PCMT1: variants seen among roughly 807,000 people sequenced by gnomAD.
The protein encoded by PCMT1 is protein-L-isoaspartate (D-aspartate) O-methyltransferase, also known as protein-L-isoaspartate(D-aspartate) O-methyltransferase.
Under a neutral mutation model 29.2 loss-of-function variants are expected in PCMT1, and 9 were observed. The ratio of observed to expected loss-of-function variants is 0.31; its 90% CI spans 0.19 to 0.54. PCMT1 has a LOEUF of 0.54. Among genes scored for constraint, PCMT1 ranks in the 20% least tolerant of loss-of-function variants. PCMT1 has a pLI of 0.95. For synonymous variants in PCMT1, 98 were observed against 97.5 expected, an observed-to-expected ratio of 1.00 and a Z score of -0.03; for missense variants, 184 against 282.2, an observed-to-expected ratio of 0.65 and a Z score of 2.49.
Position 149,801,802 on chromosome 6 carries a change from A to G in PCMT1, c.505-398A>G, listed in dbSNP as rs554038022. 1.2e-3 allele frequency among the ~76,000 whole-genome samples: 189 copies of G among 152,252 alleles called. 1 individual carries two copies. The highest frequency in any genetic ancestry group is 3.5e-3 in the South Asian group (17 of 4,830). Reference sequence around the variant, plus strand: ...TTCTGCTTTCTGCCTATGGACACTAAAAGTTGTTTATAATGATGTCAAATG... The same window carrying G: ...TTCTGCTTTCTGCCTATGGACACTAGAAGTTGTTTATAATGATGTCAAATG... On this transcript the variant is annotated intron_variant, in intron 6 of 7. Coordinates refer to ENST00000464889, the MANE Select transcript of PCMT1 (RefSeq NM_001360452.2).
chr6:149,768,444 A>ATTTT (rs548328646), intron 1 of PCMT1, among the ~76,000 whole-genome samples: 10 of 75,846 alleles, frequency 1.3e-4, no homozygotes, highest in East Asian at 5.2e-4. Context: ...TTAGTCTTGA[A>ATTTT]TTTTTTTTTT....
At chr6:149,804,313 T>G (rs1307137274) in intron 7 of PCMT1, among the ~76,000 whole-genome samples, 5 of 151,914 alleles carry the variant, frequency 3.3e-5, no homozygotes, top group African/African-American at 1.2e-4. Context: ...AACTTAGAAA[T>G]TTTTCTTTTT....
In PCMT1 at chr6:149,769,308, C is replaced by CTTTTTTTTTTTTTTTTTTTTTTT. The variant is rs372773939; in HGVS notation, c.56-1852_56-1830dup. The stretch of plus-strand genomic sequence containing the variant: ...AGTTAGCACCTATTTGTGCAGGATT[C>CTTTTTTTTTTTTTTTTTTTTTTT]TTTTTTTTTTTTTTTTTTTTTTTTG... On this transcript the variant is annotated intron_variant, in intron 1 of 7. Coordinates refer to ENST00000464889, the MANE Select transcript of PCMT1 (RefSeq NM_001360452.2). Among the ~76,000 whole-genome samples, 6 of 71,544 alleles carry CTTTTTTTTTTTTTTTTTTTTTTT rather than the reference C, an allele frequency of 8.4e-5. 3 individuals carry two copies. The highest frequency in any genetic ancestry group is 3.8e-4 in the Admixed American group (2 of 5,238). 46.9% of individuals were successfully genotyped at this position (71,544 alleles called of 152,430 possible).
intron 3 of PCMT1, among the ~76,000 whole-genome samples, chr6:149,783,272 A>G (rs1158516179): frequency 6.6e-6 from 1 of 152,062 alleles, no homozygotes. Context: ...AGCTGGGATT[A>G]CAGGCATGCA....
intron 3 of PCMT1, among the ~76,000 whole-genome samples, chr6:149,784,017 G>A (rs1003867485): frequency 2.0e-5 from 3 of 152,192 alleles, no homozygotes; most frequent in African/African-American, 7.2e-5. Context: ...ATGAGTCAGT[G>A]TCCTGAAGAA....
intron 3 of PCMT1, among the ~76,000 whole-genome samples, chr6:149,774,682 C>A (rs1396015974): frequency 6.7e-6 from 1 of 149,256 alleles, no homozygotes; most frequent in African/African-American, 2.5e-5. Context: ...GGATTACAGG[C>A]ACCCGCCACC....
chr6:149,799,250 A>T (rs1788726821), intron 6 of PCMT1: 1 of 152,110 alleles, frequency 6.6e-6, no homozygotes, highest in African/African-American at 2.4e-5. Flanking sequence ...GGAAGTTGAG[A>T]TTTCAGTGAA....
chr6:149,758,093 A>G (rs142215498), intron 1 of PCMT1, among the ~76,000 whole-genome samples: 1,635 of 151,980 alleles, frequency 0.011, 30 homozygotes, highest in African/African-American at 0.038. Flanking sequence ...CATGTTGGCC[A>G]GGATGGCCTC....
intron 1 of PCMT1, among the ~76,000 whole-genome samples, chr6:149,765,920 C>G (rs138469758): frequency 1.3e-5 from 2 of 150,962 alleles, no homozygotes; most frequent in African/African-American, 4.9e-5. Context: ...GAGTGGAGAT[C>G]GCGCCACTGA....
chr6:149,810,586 C>T, intron 7 of PCMT1, 30 bp from the exon 8 acceptor site: 1 of 1,535,972 alleles, frequency 6.5e-7, no homozygotes, highest in Non-Finnish European at 8.8e-7. Flanking sequence ...GTAACTCCTA[C>T]TAATGTATTT....
At chr6:149,754,147 GGTAGCTA>G (rs1355742147) in intron 1 of PCMT1, among the ~76,000 whole-genome samples, 1 of 152,158 alleles carries the variant, frequency 6.6e-6, no homozygotes, top group Non-Finnish European at 1.5e-5. Flanking sequence ...TGTCCAGTGT[GGTAGCTA>G]CTAGCTACAT....
At chr6:149,761,884 C>G (rs766772643) in intron 1 of PCMT1, among the ~76,000 whole-genome samples, 1 of 152,128 alleles carries the variant, frequency 6.6e-6, no homozygotes, top group Non-Finnish European at 1.5e-5. Flanking sequence ...CAGTAGCCAT[C>G]ATTAATATTT....
rs138512268 is a variant in PCMT1, at chr6:149,769,210, C to T, written c.56-1952C>T. On this transcript the variant is annotated intron_variant, in intron 1 of 7. Transcript: ENST00000464889. Reference sequence around the variant, plus strand: ...TTTTGTGGACAGAGTTCATTGTGTACCCCCTCCTGTTAGTATAGCATCCTG... The same window carrying T: ...TTTTGTGGACAGAGTTCATTGTGTATCCCCTCCTGTTAGTATAGCATCCTG... Among the ~76,000 whole-genome samples, 142 of 151,142 alleles carry T rather than the reference C, an allele frequency of 9.4e-4. 1 individual carries two copies. The highest frequency in any genetic ancestry group is 3.3e-3 in the African/African-American group (135 of 41,120).
intron 3 of PCMT1, among the ~76,000 whole-genome samples, chr6:149,774,705 CTTT>C (rs35453827): frequency 4.2e-5 from 5 of 119,650 alleles, no homozygotes; most frequent in Admixed American, 8.6e-5. Context: ...ACCTGGCTAA[CTTT>C]TTTTTTTTTT....
At chr6:149,758,562 G>C (rs540262912) in intron 1 of PCMT1, among the ~76,000 whole-genome samples, 2 of 151,990 alleles carry the variant, frequency 1.3e-5, no homozygotes, top group South Asian at 4.2e-4. Context: ...ATTACTTGTG[G>C]AGTGTATGTG....
intron 4 of PCMT1, among the ~76,000 whole-genome samples, chr6:149,792,914 G>A (rs745968539): frequency 1.3e-5 from 2 of 152,094 alleles, no homozygotes; most frequent in Non-Finnish European, 2.9e-5. Context: ...TGTAATCCCA[G>A]CACTCTGGGA....
chr6:149,776,799 T>C (rs1398898276), intron 3 of PCMT1, among the ~76,000 whole-genome samples: 2 of 152,196 alleles, frequency 1.3e-5, no homozygotes, highest in Non-Finnish European at 2.9e-5. Flanking sequence ...GATTAAAAAA[T>C]TTGATACTTT....
At chr6:149,760,934 T>A (rs1200908134) in intron 1 of PCMT1, among the ~76,000 whole-genome samples, 1 of 152,190 alleles carries the variant, frequency 6.6e-6, no homozygotes, top group Non-Finnish European at 1.5e-5. Context: ...AACTTAATTG[T>A]AAGAGTTCAC....
chr6:149,781,807 T>C (rs1787829896), intron 3 of PCMT1, among the ~76,000 whole-genome samples: 2 of 152,242 alleles, frequency 1.3e-5, no homozygotes, highest in African/African-American at 4.8e-5. Context: ...TAGTGTTAAG[T>C]ACATTTACAT....
Sources: allele counts gnomAD v4.1 joint callset (sites outside exome capture counted in the v4.1 genomes callset), GRCh38; gene constraint gnomAD v4.1.1; transcripts MANE v1.5; gene names NCBI Gene and HGNC (gene_info 2026-07-23, HGNC 2026-07-21).